Variants in RXFP1 observed in about 807,000 individuals in gnomAD.
RXFP1 encodes relaxin receptor 1.
A neutral mutation model predicts 89.8 loss-of-function variants in RXFP1; 73 were observed. The ratio of observed to expected loss-of-function variants is 0.81; its 90% CI spans 0.67 to 0.99. The LOEUF is 0.99. RXFP1 is among the 50% of genes least tolerant of loss of function. RXFP1 has a pLI of 0.00. For synonymous variants in RXFP1, 277 were observed against 305.5 expected (o/e 0.91, Z 0.97); for missense variants, 793 against 895.5 (o/e 0.89, Z 1.46).
At chr4:158,568,136 C>T (rs577879099) in intron 1 of RXFP1, among the ~76,000 whole-genome samples, 2 of 152,274 alleles carry the variant, frequency 1.3e-5, no homozygotes, top group Admixed American at 6.5e-5. Context: ...GCCAGTGAGA[C>T]CACGAACCCA....
At chr4:158,597,024 C>T (rs1202893534) in intron 3 of RXFP1, among the ~76,000 whole-genome samples, 2 of 152,034 alleles carry the variant, frequency 1.3e-5, no homozygotes, top group Non-Finnish European at 2.9e-5. Flanking sequence ...ACAAATATAT[C>T]ATTGAGAGTT....
chr4:158,569,472 T>C (rs184847567), intron 1 of RXFP1, among the ~76,000 whole-genome samples: 155 of 152,284 alleles, frequency 1.0e-3, no homozygotes, highest in Non-Finnish European at 1.3e-3. Flanking sequence ...CTGCAACAAA[T>C]GCACCACTCT....
chr4:158,640,310 G>GTAACCAA, intron 14 of RXFP1, among the ~76,000 whole-genome samples: 1 of 152,310 alleles, frequency 6.6e-6, no homozygotes, highest in Non-Finnish European at 1.5e-5. Flanking sequence ...TTGGTGTATA[G>GTAACCAA]GGTGTGTTAG....
chr4:158,593,592 T>G, intron 3 of RXFP1, 93 bp downstream of exon 3: 4 of 643,402 alleles, frequency 6.2e-6, no homozygotes, highest in Non-Finnish European at 1.0e-5. Context: ...AGATTGCATC[T>G]CAATCTGGAA....
In RXFP1 at chr4:158,535,140, G is replaced by A. The variant is rs73860517; in HGVS notation, c.49+13115G>A. Among the ~76,000 whole-genome samples, 620 of 152,152 alleles carry A rather than the reference G, an allele frequency of 4.1e-3. 7 individuals are homozygous for A. The highest frequency in any genetic ancestry group is 0.014 in the African/African-American group (594 of 41,522). Reference sequence around the variant, plus strand: ...GGGAGAGGAGAGAAGGGCACTGCAAGGACAGGTACAGCATGCGCAAGGTCA... The same window carrying A: ...GGGAGAGGAGAGAAGGGCACTGCAAAGACAGGTACAGCATGCGCAAGGTCA... On this transcript the variant is annotated intron_variant, in intron 1 of 17. Transcript: ENST00000307765.
chr4:158,630,938 A>T (rs1467635584), intron 11 of RXFP1, among the ~76,000 whole-genome samples: 1 of 152,190 alleles, frequency 6.6e-6, no homozygotes, highest in African/African-American at 2.4e-5. Flanking sequence ...AGTGACAGAA[A>T]ATCTTTGCCA....
intron 2 of RXFP1, among the ~76,000 whole-genome samples, chr4:158,573,755 C>A (rs1428049868): frequency 6.6e-6 from 1 of 152,146 alleles, no homozygotes; most frequent in Non-Finnish European, 1.5e-5. Flanking sequence ...ATTTCCTAGC[C>A]TCTCTGTACC....
intron 9 of RXFP1, among the ~76,000 whole-genome samples, chr4:158,623,817 C>T (rs565550234): frequency 6.6e-6 from 1 of 152,238 alleles, no homozygotes; most frequent in East Asian, 1.9e-4. Flanking sequence ...CCTTTCTTTT[C>T]CTTCTTTATC....
intron 1 of RXFP1, among the ~76,000 whole-genome samples, chr4:158,530,738 C>T (rs143647127): frequency 1.7e-4 from 26 of 152,202 alleles, no homozygotes; most frequent in Non-Finnish European, 3.5e-4. Flanking sequence ...TAATTGCAGT[C>T]GTTACCCCTG....
intron 2 of RXFP1, among the ~76,000 whole-genome samples, chr4:158,580,559 C>A (rs184283726): frequency 1.3e-5 from 2 of 152,142 alleles, no homozygotes; most frequent in Non-Finnish European, 2.9e-5. Context: ...GTAGCAAAAA[C>A]TGCCCTCTGC....
At chr4:158,595,450 G>A (rs527845453) in intron 3 of RXFP1, among the ~76,000 whole-genome samples, 58 of 151,940 alleles carry the variant, frequency 3.8e-4, no homozygotes, top group African/African-American at 1.2e-3. Flanking sequence ...TATCCTTTTC[G>A]TAAAACCATT....
chr4:158,521,874 T>C (rs1741252516), upstream of RXFP1: 5 of 674,508 alleles, frequency 7.4e-6, no homozygotes, highest in Non-Finnish European at 1.3e-5. Context: ...ACTGCTAAGA[T>C]TGCAGACAGA....
intron 2 of RXFP1, among the ~76,000 whole-genome samples, chr4:158,581,607 A>G (rs1371360125): frequency 6.6e-6 from 1 of 152,226 alleles, no homozygotes; most frequent in Non-Finnish European, 1.5e-5. Context: ...ATGAATAATG[A>G]GTAGTATTTT....
chr4:158,623,455 T>G (rs1766032986), intron 9 of RXFP1, among the ~76,000 whole-genome samples: 1 of 135,532 alleles, frequency 7.4e-6, no homozygotes, highest in Non-Finnish European at 1.5e-5. Flanking sequence ...TGAGCCGAGA[T>G]TGTGCCATTG....
At position 158,646,792 on chromosome 4, in the gene RXFP1, T is replaced by G. The variant is rs1409687537; in HGVS notation, c.1347T>G (p.Cys449Trp). ...TTTGTGAAACTATGACTCCTCTAGG[T>G]GCCGACTGCTTAATGGGAATATATT... is the stretch of plus-strand genomic sequence containing the variant. ...LYAMSIISLCCADCLMGIYLF... is the reference protein window; with the variant it reads ...LYAMSIISLCWADCLMGIYLF... The change falls in exon 16 of 18, where the codon TGT becomes TGG. Residue 449 changes from cysteine to tryptophan, a missense_variant and splice_region_variant. By Grantham distance (215) the Cys-to-Trp change is radical. Transcript: ENST00000307765. 6.3e-7 allele frequency: 1 copy of G among 1,597,106 alleles called. No homozygotes were observed. The highest frequency in any genetic ancestry group is 1.3e-5 in the African/African-American group (1 of 74,542).
At chr4:158,647,329 T>G in intron 16 of RXFP1, 128 bp downstream of exon 16, 2 of 714,562 alleles carry the variant, frequency 2.8e-6, no homozygotes, top group Non-Finnish European at 4.4e-6. Flanking sequence ...AATTATACTC[T>G]GATATAAATT....
At chr4:158,594,061 T>C (rs922442506) in intron 3 of RXFP1, among the ~76,000 whole-genome samples, 7 of 152,206 alleles carry the variant, frequency 4.6e-5, no homozygotes, top group African/African-American at 1.2e-4. Context: ...TCCTCTTAAA[T>C]AAATTTTGTC....
Position 158,651,816 on chromosome 4 carries a change from A to G in RXFP1, c.2035A>G (p.Ile679Val), listed in dbSNP as rs779247584. 3.7e-6 allele frequency: 6 copies of G among 1,613,950 alleles called. No homozygotes were observed. Among genetic ancestry groups the G allele is most frequent in the South Asian group, 3.3e-5 (3 of 91,070 alleles). Residue 679 changes from isoleucine to valine, a missense_variant, in exon 18 of 18, where the codon ATT becomes GTT. By Grantham distance (29) the Ile-to-Val change is conservative. Transcript: ENST00000307765. ...ILPINSALNP[I>V]LYTLTTRPFK... ...GCCCATTAACAGTGCTTTGAACCCA[A>G]TTCTCTATACTCTGACCACAAGACC...
intron 13 of RXFP1, 46 bp from the exon 14 acceptor site, chr4:158,639,214 G>GTA: frequency 9.5e-7 from 1 of 1,051,628 alleles, no homozygotes; most frequent in Non-Finnish European, 1.5e-6. Context: ...ATTAAACCAT[G>GTA]TATAATACAT....
Sources: gnomAD v4.1 joint callset for allele counts (sites outside exome capture counted in the v4.1 genomes callset) on GRCh38, gnomAD v4.1.1 for gene constraint, MANE v1.5 for transcripts, NCBI Gene and HGNC (gene_info 2026-07-23, HGNC 2026-07-21) for gene names.